Variants in TACR3 observed in about 807,000 individuals in gnomAD.
TACR3 encodes tachykinin receptor 3.
A neutral mutation model predicts 35.0 loss-of-function variants in TACR3; 34 were observed. The observed-to-expected ratio is 0.97, with a 90% CI of 0.74 to 1.30. The LOEUF (loss-of-function observed/expected upper bound fraction) is 1.30, where lower values mean the gene tolerates loss of function less well. Among genes scored for constraint, TACR3 ranks in the 50% most tolerant of loss-of-function variants. TACR3 has a pLI of 0.00. For synonymous variants in TACR3, 233 were observed against 221.1 expected (o/e 1.05, Z -0.48); for missense variants, 558 against 591.7 (o/e 0.94, Z 0.59).
intron 3 of TACR3, among the ~76,000 whole-genome samples, chr4:103,630,633 ACCATCTCAT>A (rs1243064563): frequency 1.2e-3 from 179 of 152,350 alleles, no homozygotes; most frequent in African/African-American, 4.2e-3. Flanking sequence ...ACAATGAGAT[ACCATCTCAT>A]GGCAGTTAGA....
At chr4:103,696,472 G>C (rs1722522643) in intron 1 of TACR3, among the ~76,000 whole-genome samples, 1 of 152,062 alleles carries the variant, frequency 6.6e-6, no homozygotes, top group Admixed American at 6.5e-5. Flanking sequence ...AACAGAATTT[G>C]CCTTCTTCTT....
chr4:103,591,717 A>G, intron 3 of TACR3, 34 bp from the exon 4 acceptor site: 2 of 1,556,438 alleles, frequency 1.3e-6, no homozygotes, highest in Admixed American at 1.8e-5. Context: ...TGACAAATAT[A>G]ATACTCATAA....
chr4:103,622,893 C>T (rs1401586933), intron 3 of TACR3, among the ~76,000 whole-genome samples: 2 of 152,146 alleles, frequency 1.3e-5, no homozygotes, highest in South Asian at 2.1e-4. Context: ...AGGGCATTCA[C>T]CCAATTTTAA....
intron 1 of TACR3, among the ~76,000 whole-genome samples, chr4:103,671,370 C>A (rs1395142863): frequency 2.6e-5 from 4 of 151,816 alleles, no homozygotes; most frequent in African/African-American, 7.2e-5. Context: ...TTGGTGTTAG[C>A]TTTTCTTTAA....
intron 3 of TACR3, among the ~76,000 whole-genome samples, chr4:103,628,359 T>C (rs192078681): frequency 2.0e-4 from 30 of 151,664 alleles, no homozygotes; most frequent in African/African-American, 6.8e-4. Flanking sequence ...ATCCAGGAGC[T>C]GGTTTTTTGA....
intron 1 of TACR3, among the ~76,000 whole-genome samples, chr4:103,680,471 ATAT>A (rs1722018477): frequency 1.1e-5 from 1 of 88,156 alleles, no homozygotes; most frequent in African/African-American, 1.1e-4. Flanking sequence ...ATTAAGTGAT[ATAT>A]ATATATATAT....
At chr4:103,677,968 T>C (rs1426954528) in intron 1 of TACR3, among the ~76,000 whole-genome samples, 1 of 151,972 alleles carries the variant, frequency 6.6e-6, no homozygotes, top group Non-Finnish European at 1.5e-5. Context: ...GATATGAGGA[T>C]TAAATAAAAC....
At chr4:103,667,973 T>G (rs1444491980) in intron 1 of TACR3, among the ~76,000 whole-genome samples, 1 of 151,870 alleles carries the variant, frequency 6.6e-6, no homozygotes, top group Non-Finnish European at 1.5e-5. Flanking sequence ...GGACCAGAGG[T>G]GTGCCCCAAC....
At chr4:103,678,337 C>T (rs965909329) in intron 1 of TACR3, among the ~76,000 whole-genome samples, 2 of 152,046 alleles carry the variant, frequency 1.3e-5, no homozygotes, top group African/African-American at 4.8e-5. Flanking sequence ...GGCCAACAAG[C>T]ATGAGGATTT....
At chr4:103,600,976 C>T (rs927520240) in intron 3 of TACR3, among the ~76,000 whole-genome samples, 3 of 152,090 alleles carry the variant, frequency 2.0e-5, no homozygotes, top group Non-Finnish European at 4.4e-5. Flanking sequence ...TCTATCAGGT[C>T]AGCTTTGTGC....
At chr4:103,617,496 A>G (rs550177722) in intron 3 of TACR3, among the ~76,000 whole-genome samples, 2 of 152,304 alleles carry the variant, frequency 1.3e-5, no homozygotes, top group South Asian at 4.1e-4. Context: ...CATTACTAGA[A>G]GAAAAAAATT....
chr4:103,690,775 A>G (rs1048009475), intron 1 of TACR3, among the ~76,000 whole-genome samples: 2 of 152,138 alleles, frequency 1.3e-5, no homozygotes, highest in African/African-American at 2.4e-5. Context: ...ATTTATTCTG[A>G]AGAGAAACTA....
intron 3 of TACR3, among the ~76,000 whole-genome samples, chr4:103,604,236 C>G (rs981680722): frequency 5.3e-5 from 8 of 152,178 alleles, no homozygotes; most frequent in Non-Finnish European, 1.2e-4. Flanking sequence ...AATAACACCA[C>G]ACATCTACAA....
At chr4:103,629,865 A>C (rs534319919) in intron 3 of TACR3, among the ~76,000 whole-genome samples, 12,805 of 129,072 alleles carry the variant, frequency 0.099, 757 homozygotes, top group Middle Eastern at 0.15. Context: ...AAAAAACAAA[A>C]AAAAAACAAA....
At chr4:103,685,194 C>G (rs1171699643) in intron 1 of TACR3, among the ~76,000 whole-genome samples, 1 of 151,796 alleles carries the variant, frequency 6.6e-6, no homozygotes, top group African/African-American at 2.4e-5. Flanking sequence ...GATTTGGAGT[C>G]TAGAAACAGA....
intron 3 of TACR3, among the ~76,000 whole-genome samples, chr4:103,631,200 A>C (rs1206333884): frequency 6.6e-6 from 1 of 152,112 alleles, no homozygotes; most frequent in Admixed American, 6.5e-5. Flanking sequence ...TGGAGGAGGG[A>C]TAGCACTTGG....
intron 4 of TACR3, among the ~76,000 whole-genome samples, 199 bp from the exon 5 acceptor site, chr4:103,590,193 TTAA>T (rs1723863686): frequency 6.6e-6 from 1 of 151,986 alleles, no homozygotes; most frequent in Non-Finnish European, 1.5e-5. Flanking sequence ...TAATTTCCCA[TTAA>T]TGAGAAGCAT....
chr4:103,683,494 A>AG (rs1439384869), intron 1 of TACR3, among the ~76,000 whole-genome samples: 15 of 132,746 alleles, frequency 1.1e-4, no homozygotes, highest in African/African-American at 4.2e-4. Context: ...AAAAAAAAAA[A>AG]AGAGAGAGAG....
intron 3 of TACR3, among the ~76,000 whole-genome samples, chr4:103,638,850 C>T (rs1482479568): frequency 6.6e-6 from 1 of 152,136 alleles, no homozygotes; most frequent in Non-Finnish European, 1.5e-5. Context: ...TGCTCATCAT[C>T]ACTGGCCATC....
Sources: gnomAD v4.1 joint callset for allele counts (sites outside exome capture counted in the v4.1 genomes callset) on GRCh38, gnomAD v4.1.1 for gene constraint, MANE v1.5 for transcripts, NCBI Gene and HGNC (gene_info 2026-07-23, HGNC 2026-07-21) for gene names.